The following EP400 variants were observed in gnomAD, a reference collection of about 807,000 sequenced individuals.
The protein encoded by EP400 is E1A binding protein p400.
Under a neutral mutation model 354.1 loss-of-function variants are expected in EP400, and 105 were observed. That is an observed-to-expected ratio of 0.30 (90% CI 0.25 to 0.35). EP400 has a LOEUF of 0.35. EP400 is among the 10% of genes least tolerant of loss of function. The pLI is 1.00. For synonymous variants in EP400, 1,646 were observed against 1,716.9 expected (o/e 0.96, Z 1.02); for missense variants, 3,280 against 4,121.0 (o/e 0.80, Z 5.59).
intron 39 of EP400, among the ~76,000 whole-genome samples, chr12:132,046,512 CATAAT>C (rs1339061559): frequency 6.6e-6 from 1 of 152,212 alleles, no homozygotes; most frequent in Non-Finnish European, 1.5e-5. Context: ...GTTTGACAAG[CATAAT>C]ATTCTCTGTT....
chr12:132,044,163 G>A lies in EP400; in HGVS notation c.6451-14G>A. ...ACTCCTGATCCTGAAAGTTCTTGCT[G>A]CTCTCCCCGTCAGGACGCAGTGATG... On this transcript the variant is annotated splice_polypyrimidine_tract_variant and intron_variant, in intron 34 of 52. Coordinates refer to ENST00000389561, the MANE Select transcript of EP400 (RefSeq NM_015409.5). 2 of 1,612,426 alleles carry A rather than the reference G, an allele frequency of 1.2e-6. No homozygotes were observed. Among genetic ancestry groups the A allele is most frequent in the Non-Finnish European group, 1.7e-6 (2 of 1,178,672 alleles).
In EP400 at chr12:131,995,899, A is replaced by G. The variant is rs372419845; in HGVS notation, c.2827+943A>G. Among the ~76,000 whole-genome samples the G allele has an allele frequency of 1.3e-3, 192 of 142,300 alleles. 4 individuals are homozygous for G. The highest frequency in any genetic ancestry group is 0.013 in the South Asian group (55 of 4,148). 93.4% of individuals were successfully genotyped at this position (142,300 alleles called of 152,430 possible). A position where few individuals can be genotyped will look rare whatever the true frequency, so the allele number is the denominator to read the frequency against. ...ATCCCACCACAGCTTGACTGAATGT[A>G]CCGTTCATCCTGAGTGTGTGAGAAC... On this transcript the variant is annotated intron_variant, in intron 12 of 52. Coordinates refer to ENST00000389561, the MANE Select transcript of EP400 (RefSeq NM_015409.5).
At chr12:132,022,779 G>A (rs1305937115) in intron 23 of EP400, among the ~76,000 whole-genome samples, 1 of 151,654 alleles carries the variant, frequency 6.6e-6, no homozygotes, top group East Asian at 1.9e-4. Context: ...TGTATCTAGA[G>A]GCATTGCTAG....
chr12:132,046,084 C>T (rs150889153), intron 39 of EP400, among the ~76,000 whole-genome samples, 184 bp downstream of exon 39: 40 of 152,294 alleles, frequency 2.6e-4, no homozygotes, highest in African/African-American at 8.7e-4. Flanking sequence ...CACTGTGCCT[C>T]GCCTATGGCA....
rs1893538922 is a variant in EP400 at position 132,005,143 on chromosome 12, C to A, written c.2894C>A (p.Pro965His). Reference sequence around the variant, plus strand: ...GCCTTCCTGCCGAGTTCTCAGTGGCCCCGGCCGAAGCCTGATGGGGAGGAC... The same window carrying A: ...GCCTTCCTGCCGAGTTCTCAGTGGCACCGGCCGAAGCCTGATGGGGAGGAC... ...EGAFLPSSQWPRPKPDGEDTS... is the reference protein window; with the variant it reads ...EGAFLPSSQWHRPKPDGEDTS... Residue 965 changes from proline (P) to histidine (H), a missense_variant, in exon 13 of 53, where the codon CCC (proline) becomes CAC (histidine). Physicochemically the swap from Pro to His is moderately conservative, Grantham distance 77 (BLOSUM62 -2). Around this residue, in one of 20 missense-constraint regions of EP400, gnomAD observed 800 missense variants for 840.0 expected, o/e 0.95. Transcript: ENST00000389561. The A allele has an allele frequency of 1.3e-6, 2 of 1,586,566 alleles. No individual in the cohort carries two copies. The highest frequency in any genetic ancestry group is 8.6e-7 in the Non-Finnish European group (1 of 1,166,494).
rs141231230 is a variant in EP400 at position 132,044,848 on chromosome 12, G to C, written c.6679G>C (p.Asp2227His). Reference protein sequence around the residue: ...PPQDDSDIYLDSVMCLMYEAT... With the variant: ...PPQDDSDIYLHSVMCLMYEAT... ...GCAGGACGACAGCGACATCTACCTC[G>C]ACTCGGTCATGTGTCTCATGTATGA... Residue 2227 changes from aspartate (D) to histidine (H), a missense_variant, in exon 37 of 53, where the codon GAC (aspartate) becomes CAC (histidine). By Grantham distance (81) the Asp-to-His change is moderately conservative. Around this residue, in one of 20 missense-constraint regions of EP400, gnomAD observed 231 missense variants for 257.9 expected, o/e 0.90. Transcript: ENST00000389561. The C allele has an allele frequency of 7.4e-6, 12 of 1,613,986 alleles. No individual in the cohort carries two copies. The highest frequency in any genetic ancestry group is 9.3e-6 in the Non-Finnish European group (11 of 1,180,036).
intron 15 of EP400, 70 bp downstream of exon 15, chr12:132,006,947 G>A: frequency 6.5e-7 from 1 of 1,545,546 alleles, no homozygotes; most frequent in Non-Finnish European, 8.8e-7. Flanking sequence ...TGTGTTTGAT[G>A]GGAGTGTGGG....
intron 15 of EP400, among the ~76,000 whole-genome samples, chr12:132,009,238 T>C (rs1893684616): frequency 6.6e-6 from 1 of 151,978 alleles, no homozygotes; most frequent in South Asian, 2.1e-4. Flanking sequence ...AGCCTGGAAG[T>C]AGCCTATGCT....
At chr12:132,071,003 G>C (rs180696277) in intron 51 of EP400, among the ~76,000 whole-genome samples, 48 of 152,204 alleles carry the variant, frequency 3.2e-4, no homozygotes, top group African/African-American at 1.1e-3. Flanking sequence ...AAATCATGAC[G>C]ATCTACTTCT....
intron 14 of EP400, 33 bp from the exon 15 acceptor site, chr12:132,006,667 A>T (rs763669564): frequency 6.5e-7 from 1 of 1,545,926 alleles, no homozygotes; most frequent in South Asian, 1.2e-5. Context: ...TATTTTGACG[A>T]GCTGTCATTC....
chr12:132,067,189 T>A lies in EP400; in HGVS notation c.8750-173T>A. 13 of 1,174,488 alleles carry A rather than the reference T, an allele frequency of 1.1e-5. No homozygotes were observed. The highest frequency in any genetic ancestry group is 1.5e-5 in the Non-Finnish European group (13 of 839,592). 72.8% of individuals were successfully genotyped at this position (1,174,488 alleles called of 1,614,324 possible). ...TCTGAAATTTCCGTCTTAATTTAAG[T>A]GTAATTTGTGAACCCAGAAACATTT... On this transcript the variant is annotated intron_variant, in intron 49 of 52. Coordinates refer to ENST00000389561, the MANE Select transcript of EP400 (RefSeq NM_015409.5). This position sits in a 1 kb window ranked among gnomAD's most constrained non-coding sequence, Gnocchi z 5.3.
intron 32 of EP400, among the ~76,000 whole-genome samples, chr12:132,042,246 C>T (rs982071232): frequency 2.0e-5 from 3 of 152,300 alleles, no homozygotes; most frequent in Middle Eastern, 3.4e-3. Flanking sequence ...CCACCGTGCC[C>T]GGCCAGTTGT....
chr12:132,014,450 A>G (rs1893861608), intron 19 of EP400, among the ~76,000 whole-genome samples: 2 of 152,038 alleles, frequency 1.3e-5, no homozygotes, highest in South Asian at 4.1e-4. Context: ...GTGCCCTTTG[A>G]GTTGACACAG....
chr12:131,958,603 C>T (rs1042310910), intron 1 of EP400, among the ~76,000 whole-genome samples: 2 of 152,120 alleles, frequency 1.3e-5, no homozygotes, highest in Non-Finnish European at 2.9e-5. Flanking sequence ...ATTGCAGCAT[C>T]GATTTCCTGG....
intron 45 of EP400, among the ~76,000 whole-genome samples, chr12:132,060,194 A>G (rs916071889): frequency 2.0e-5 from 3 of 152,146 alleles, no homozygotes; most frequent in African/African-American, 4.8e-5. Context: ...ATATCACACA[A>G]TTGAGGAGAA....
At chr12:131,992,810 C>T (rs1252855794) in intron 11 of EP400, among the ~76,000 whole-genome samples, 6 of 152,112 alleles carry the variant, frequency 3.9e-5, no homozygotes, top group African/African-American at 1.4e-4. Flanking sequence ...GTTTGTGTGG[C>T]GGTTCCTGTC....
chr12:131,994,088 G>A lies in EP400; in HGVS notation c.2738-779G>A, dbSNP rs1195818499. Among the ~76,000 whole-genome samples the A allele has an allele frequency of 6.6e-6, 1 of 152,174 alleles. No individual in the cohort carries two copies. The highest frequency in any genetic ancestry group is 1.5e-5 in the Non-Finnish European group (1 of 68,022). ...GCCAGGCCTGTCGTGAGCCACCAGG[G>A]TGTCGAGTACAGTCAGGAAAGGCAG... On this transcript the variant is annotated intron_variant, in intron 11 of 52. Coordinates refer to ENST00000389561, the MANE Select transcript of EP400 (RefSeq NM_015409.5). This position sits in a 1 kb window ranked among gnomAD's most constrained non-coding sequence, Gnocchi z 4.6.
chr12:132,062,752 C>T (rs1327155161), intron 47 of EP400, 51 bp downstream of exon 47: 3 of 1,602,038 alleles, frequency 1.9e-6, no homozygotes. Context: ...GGTCAGTCAG[C>T]CCAGCGTCTG....
chr12:132,020,379 G>A (rs143424691), intron 22 of EP400, among the ~76,000 whole-genome samples, 161 bp downstream of exon 22: 5 of 152,306 alleles, frequency 3.3e-5, no homozygotes, highest in African/African-American at 9.6e-5. Context: ...TTCTTGATGA[G>A]TTTTAGACTT....
Sources: gnomAD v4.1 joint callset for allele counts (sites outside exome capture counted in the v4.1 genomes callset) on GRCh38, gnomAD v4.1.1 for gene constraint, gnomAD v4.1.1 regional missense constraint, Gnocchi (gnomAD v3.1) non-coding constraint, MANE v1.5 for transcripts, NCBI Gene and HGNC (gene_info 2026-07-23, HGNC 2026-07-21) for gene names.